Variants in FAT3 observed in about 807,000 individuals in gnomAD.
The protein encoded by FAT3 is FAT atypical cadherin 3.
Under a neutral mutation model 310.2 loss-of-function variants are expected in FAT3, and 95 were observed. That is an observed-to-expected ratio of 0.31 (90% CI 0.26 to 0.36). The LOEUF is 0.36. Among genes scored for constraint, FAT3 ranks in the 10% least tolerant of loss-of-function variants. FAT3 has a pLI of 1.00. For missense variants in FAT3, 5,408 were observed against 5,715.6 expected, an observed-to-expected ratio of 0.95 and a Z score of 1.74; for synonymous variants, 2,314 against 2,192.9, an observed-to-expected ratio of 1.06 and a Z score of -1.54.
intron 2 of FAT3, among the ~76,000 whole-genome samples, chr11:92,499,878 G>T (rs1952885681): frequency 6.6e-6 from 1 of 152,004 alleles, no homozygotes; most frequent in Non-Finnish European, 1.5e-5. Flanking sequence ...AGAGCTAGAA[G>T]AGACTGTAAC....
At chr11:92,282,245 C>A (rs1453874734) in intron 1 of FAT3, among the ~76,000 whole-genome samples, 1 of 152,158 alleles carries the variant, frequency 6.6e-6, no homozygotes, top group Non-Finnish European at 1.5e-5. Context: ...CTAGTCTGAT[C>A]TGAAGATTTT....
At chr11:92,544,468 C>A (rs773678536) in intron 3 of FAT3, among the ~76,000 whole-genome samples, 1 of 151,828 alleles carries the variant, frequency 6.6e-6, no homozygotes, top group Non-Finnish European at 1.5e-5. Flanking sequence ...CTCATGTACT[C>A]TGAAAATATG....
chr11:92,786,892 A>G (rs1349691659), intron 7 of FAT3, among the ~76,000 whole-genome samples: 2 of 152,206 alleles, frequency 1.3e-5, no homozygotes, highest in Non-Finnish European at 2.9e-5. Context: ...TGATTCATCT[A>G]CTCACTGGAA....
intron 2 of FAT3, among the ~76,000 whole-genome samples, chr11:92,496,602 A>G (rs934940036): frequency 4.0e-5 from 6 of 151,868 alleles, no homozygotes; most frequent in Admixed American, 6.6e-5. Flanking sequence ...ATGTGCTGCT[A>G]GGTTGTAACC....
chr11:92,766,604 A>T (rs1946319199), intron 6 of FAT3: 1 of 152,248 alleles, frequency 6.6e-6, no homozygotes. Context: ...TGATGGTGGA[A>T]CATTTTTGTT....
intron 3 of FAT3, among the ~76,000 whole-genome samples, chr11:92,684,428 G>A (rs1943572155): frequency 6.6e-6 from 1 of 152,136 alleles, no homozygotes; most frequent in African/African-American, 2.4e-5. Flanking sequence ...GCCAGTTGCA[G>A]CTCTTAATTT....
intron 1 of FAT3, among the ~76,000 whole-genome samples, chr11:92,268,923 C>G (rs941805486): frequency 5.6e-5 from 8 of 144,122 alleles, no homozygotes; most frequent in African/African-American, 2.2e-4. Flanking sequence ...TGGTTTGAAG[C>G]TATTATTTTT....
chr11:92,628,339 T>C (rs1225756792), intron 3 of FAT3, among the ~76,000 whole-genome samples: 1 of 152,234 alleles, frequency 6.6e-6, no homozygotes, highest in Non-Finnish European at 1.5e-5. Context: ...CCTTATAATT[T>C]ATCTGGTTTA....
intron 22 of FAT3, among the ~76,000 whole-genome samples, chr11:92,879,913 A>C (rs1270551825): frequency 6.6e-6 from 1 of 152,178 alleles, no homozygotes; most frequent in African/African-American, 2.4e-5. Flanking sequence ...CTTCCTCTTT[A>C]CTATGTGCAT....
chr11:92,784,961 G>T (rs1457767129), intron 7 of FAT3, among the ~76,000 whole-genome samples: 1 of 151,744 alleles, frequency 6.6e-6, no homozygotes, highest in African/African-American at 2.4e-5. Flanking sequence ...CTGAATGAAA[G>T]AATTGGCATT....
intron 1 of FAT3, among the ~76,000 whole-genome samples, chr11:92,260,145 T>A (rs1865486746): frequency 6.6e-6 from 1 of 152,148 alleles, no homozygotes; most frequent in African/African-American, 2.4e-5. Context: ...AGCCCTTGGC[T>A]GTAGCCCCTT....
rs373284411 is a variant in FAT3, at chr11:92,355,281, C to G, written c.3169C>G (p.Arg1057Gly). 2 of 1,613,780 alleles carry G rather than the reference C, an allele frequency of 1.2e-6. No individual in the cohort carries two copies. Among genetic ancestry groups the G allele is most frequent in the Non-Finnish European group, 1.7e-6 (2 of 1,179,862 alleles). The change falls in exon 2 of 28, where the codon CGC becomes GGC. Residue 1057 changes from arginine (R) to glycine (G), a missense_variant. By Grantham distance (125) the Arg-to-Gly change is moderately radical (BLOSUM62 -2). Coordinates refer to ENST00000525166, the MANE Select transcript of FAT3 (RefSeq NM_001367949.2). ...TGTTGGATCTGTAAAGGAAAACTCA[C>G]GCATTGGAACAAGCGTGCTGCAGGT... Reference protein sequence around the residue: ...AVVGSVKENSRIGTSVLQVTA... With the variant: ...AVVGSVKENSGIGTSVLQVTA...
At chr11:92,878,321 A>C (rs1321604354) in intron 22 of FAT3, among the ~76,000 whole-genome samples, 4 of 152,148 alleles carry the variant, frequency 2.6e-5, no homozygotes, top group Non-Finnish European at 5.9e-5. Context: ...AAGGTAACTG[A>C]TTATACATTT....
At position 92,229,501 on chromosome 11, in the gene FAT3, T is replaced by TG. The variant is rs996960258; in HGVS notation, c.-18+4327_-18+4328insG. ...TTTTTTGTTTTTTCGTGTTTTTTTTTTTTTTGTTTTTTGTTTTTTTTTACA... is the reference window on the plus strand; with the variant it reads ...TTTTTTGTTTTTTCGTGTTTTTTTTTGTTTTTGTTTTTTGTTTTTTTTTACA... On this transcript the variant is annotated intron_variant, in intron 1 of 27. Transcript: ENST00000525166. Among the ~76,000 whole-genome samples, 15 of 75,292 alleles carry TG rather than the reference T, an allele frequency of 2.0e-4. 1 individual carries two copies. Among genetic ancestry groups the TG allele is most frequent in the African/African-American group, 6.2e-4 (15 of 24,088 alleles). The allele number at this position is 75,292 out of a possible 152,430, so 49.4% of individuals were successfully genotyped here. A position where few individuals can be genotyped will look rare whatever the true frequency, so the allele number is the denominator to read the frequency against.
At chr11:92,743,173 C>T (rs945131214) in intron 4 of FAT3, among the ~76,000 whole-genome samples, 17 of 152,194 alleles carry the variant, frequency 1.1e-4, no homozygotes, top group African/African-American at 4.1e-4. Flanking sequence ...CAATCATGTA[C>T]ATTGTAAAGC....
intron 4 of FAT3, among the ~76,000 whole-genome samples, chr11:92,714,636 A>G (rs1231654075): frequency 6.6e-6 from 1 of 152,216 alleles, no homozygotes; most frequent in Non-Finnish European, 1.5e-5. Flanking sequence ...AGAACAATAC[A>G]GTTTGTCCCT....
rs1174362466 is a variant in FAT3 at position 92,801,682 on chromosome 11, CCTT to C, written c.8672_8674del (p.Phe2891del). On this transcript the variant is annotated inframe_deletion, in exon 10 of 28. Transcript: ENST00000525166. ...GATCACGAGACAGACCCCACATTCA[CCTT>C]CTCTGTGGTGGCCTCTGACCTTGGA... is the stretch of plus-strand genomic sequence containing the variant. 6.2e-7 allele frequency: 1 copy of C among 1,613,862 alleles called. No individual in the cohort carries two copies. Among genetic ancestry groups the C allele is most frequent in the Non-Finnish European group, 8.5e-7 (1 of 1,179,876 alleles).
At chr11:92,533,525 C>A (rs1954149486) in intron 3 of FAT3, among the ~76,000 whole-genome samples, 1 of 152,168 alleles carries the variant, frequency 6.6e-6, no homozygotes, top group African/African-American at 2.4e-5. Context: ...AGGATTGTTA[C>A]TTGGAAAATG....
intron 3 of FAT3, among the ~76,000 whole-genome samples, chr11:92,658,185 A>G (rs1386336490): frequency 1.3e-5 from 2 of 152,216 alleles, no homozygotes; most frequent in Admixed American, 1.3e-4. Flanking sequence ...TTCCTCAGAA[A>G]TACTTCATCT....
Sources: allele counts gnomAD v4.1 joint callset (sites outside exome capture counted in the v4.1 genomes callset), GRCh38; gene constraint gnomAD v4.1.1; transcripts MANE v1.5; gene names NCBI Gene and HGNC (gene_info 2026-07-23, HGNC 2026-07-21).